SLC39A1: variants seen among roughly 807,000 people sequenced by gnomAD.
SLC39A1 encodes solute carrier family 39 member 1.
Under a neutral mutation model 21.4 loss-of-function variants are expected in SLC39A1, and 17 were observed. The ratio of observed to expected loss-of-function variants is 0.79; its 90% CI spans 0.54 to 1.19. SLC39A1 has a LOEUF of 1.19. SLC39A1 is among the 50% of genes most tolerant of loss of function. The pLI is 0.00. For synonymous variants in SLC39A1, 183 were observed against 185.9 expected, an observed-to-expected ratio of 0.98 and a Z score of 0.13; for missense variants, 343 against 399.8, an observed-to-expected ratio of 0.86 and a Z score of 1.21.
intron 2 of SLC39A1, 54 bp from the exon 3 acceptor site, chr1:153,962,404 C>T (rs764259486): frequency 1.3e-6 from 2 of 1,592,302 alleles, no homozygotes; most frequent in Non-Finnish European, 1.7e-6. Flanking sequence ...CCTCCAGGGC[C>T]GACCACCCCA....
At chr1:153,962,828 G>C in intron 1 of SLC39A1, 81 bp from the exon 2 acceptor site, 1 of 1,172,792 alleles carries the variant, frequency 8.5e-7, no homozygotes, top group Non-Finnish European at 1.2e-6. Context: ...GGTCAGCAGA[G>C]TGCAGCTCCC....
Position 153,960,463 on chromosome 1 carries a change from G to A in SLC39A1, c.610C>T (p.Arg204Trp), listed in dbSNP as rs780510822. 2.0e-5 allele frequency: 33 copies of A among 1,613,420 alleles called. No individual in the cohort carries two copies. The South Asian group carries it at 2.1e-4, about 10-fold the overall frequency. The change falls in exon 4 of 4, where the codon CGG becomes TGG. Residue 204 changes from arginine to tryptophan, a missense_variant. Arg to Trp is a moderately radical substitution (Grantham distance 101, BLOSUM62 -3). Transcript: ENST00000356205. ...AGGCACAGCTCCATGGCCCGAGCCC[G>A]GTCTCGCTGCAGCCCTACCGCCAGC... is the stretch of plus-strand genomic sequence containing the variant. The part of the protein sequence containing the change: ...EGLAVGLQRD[R>W]ARAMELCLAL...
chr1:153,962,070 T>C (rs1265917729), intron 3 of SLC39A1, 150 bp downstream of exon 3: 3 of 1,144,072 alleles, frequency 2.6e-6, no homozygotes, highest in Non-Finnish European at 3.7e-6. Context: ...GAAAGAATTA[T>C]GCCCCATAAC....
chr1:153,959,607 C>T lies in SLC39A1; in HGVS notation c.*491G>A. 3.6e-6 allele frequency: 1 copy of T among 278,032 alleles called. No individual in the cohort carries two copies. The highest frequency in any genetic ancestry group is 6.7e-6 in the Non-Finnish European group (1 of 149,826). 17.2% of individuals were successfully genotyped at this position (278,032 alleles called of 1,614,324 possible). On this transcript the variant is annotated 3_prime_UTR_variant, in exon 4 of 4. Coordinates refer to ENST00000356205, the MANE Select transcript of SLC39A1 (RefSeq NM_001271958.2). ...GGGAGAGACCATTTGGCGCCAGTCC[C>T]CTAGGAGATGGGAGGAGGGAGATAG...
At position 153,962,551 on chromosome 1, in the gene SLC39A1, T is replaced by C. The variant is rs886481316; in HGVS notation, c.165A>G (p.Pro55=). The part of the protein sequence containing the change: ...SLVPICVLRR[P]GANHEGSASR... The stretch of plus-strand genomic sequence containing the variant: ...TACCTGAGCCTTCATGGTTAGCTCC[T>C]GGCCGGCGCAGCACACAGATGGGCA... Residue 55 remains proline, a synonymous_variant, in exon 2 of 4, where the codon CCA becomes CCG. Coordinates refer to ENST00000356205, the MANE Select transcript of SLC39A1 (RefSeq NM_001271958.2). 1.3e-5 allele frequency: 21 copies of C among 1,613,156 alleles called. No individual in the cohort carries two copies. The highest frequency in any genetic ancestry group is 1.6e-5 in the Non-Finnish European group (19 of 1,179,712).
chr1:153,967,023 T>A (rs984637661), upstream of SLC39A1: 1 of 152,252 alleles, frequency 6.6e-6, no homozygotes, highest in African/African-American at 2.4e-5. Context: ...GCCTCAGAAC[T>A]GTTATGGATT....
intron 3 of SLC39A1, among the ~76,000 whole-genome samples, chr1:153,961,373 G>A (rs1229470678): frequency 1.3e-5 from 2 of 152,180 alleles, no homozygotes; most frequent in Non-Finnish European, 2.9e-5. Context: ...TTGTTTAACA[G>A]CATTTCTGAT....
Position 153,960,285 on chromosome 1 carries a change from G to A in SLC39A1, c.788C>T (p.Ser263Leu), listed in dbSNP as rs552473735. ...GGCCAGCTGGTGCAGAGGTCCTGCC[G>A]ACTCTGCCAGAGCTGCACCCAGCCC... ...GIGLGAALAE[S>L]AGPLHQLAQS... Residue 263 changes from serine to leucine, a missense_variant, in exon 4 of 4, where the codon TCG becomes TTG. Coordinates refer to ENST00000356205, the MANE Select transcript of SLC39A1 (RefSeq NM_001271958.2). 6.0e-5 allele frequency: 97 copies of A among 1,614,056 alleles called. 1 individual carries two copies. Among genetic ancestry groups the A allele is most frequent in the South Asian group, 1.9e-4 (17 of 91,074 alleles).
Position 153,959,832 on chromosome 1 carries a change from A to T in SLC39A1, c.*266T>A, listed in dbSNP as rs1647258403. 1 of 460,120 alleles carries T rather than the reference A, an allele frequency of 2.2e-6. No homozygotes were observed. Among genetic ancestry groups the T allele is most frequent in the African/African-American group, 1.9e-5 (1 of 51,602 alleles). 28.5% of individuals were successfully genotyped at this position (460,120 alleles called of 1,614,324 possible). On this transcript the variant is annotated 3_prime_UTR_variant, in exon 4 of 4. Coordinates refer to ENST00000356205, the MANE Select transcript of SLC39A1 (RefSeq NM_001271958.2). ...GTCCAACCTCTGATTCTAGCAGTCA[A>T]GTGTCTTCCCCAATCCTAATGTCCC...
chr1:153,965,524 A>T (rs1393314788), upstream of SLC39A1, among the ~76,000 whole-genome samples: 1 of 152,246 alleles, frequency 6.6e-6, no homozygotes, highest in East Asian at 1.9e-4. Context: ...ATTTGTGATG[A>T]GAACATTTAA....
chr1:153,966,093 G>A (rs947000284), upstream of SLC39A1, among the ~76,000 whole-genome samples: 1 of 152,130 alleles, frequency 6.6e-6, no homozygotes, highest in African/African-American at 2.4e-5. Context: ...GAAGCCCTTT[G>A]AAATGTATTT....
chr1:153,960,377 G>C lies in SLC39A1; in HGVS notation c.696C>G (p.Ser232Arg). The change falls in exon 4 of 4, where the codon AGC (serine) becomes AGG (arginine). Residue 232 changes from serine to arginine, a missense_variant. Transcript: ENST00000356205. ...AVSLSLRLLQ[S>R]HLRAQVVAGC... Reference sequence around the variant, plus strand: ...CAGCCACCACCTGTGCCCTAAGGTGGCTCTGCAACAGCCGCAGGGACAGGC... The same window carrying C: ...CAGCCACCACCTGTGCCCTAAGGTGCCTCTGCAACAGCCGCAGGGACAGGC... The C allele has an allele frequency of 6.2e-7, 1 of 1,613,954 alleles. No homozygotes were observed. Among genetic ancestry groups the C allele is most frequent in the South Asian group, 1.1e-5 (1 of 91,080 alleles).
rs1461819861 is a variant in SLC39A1 at position 153,959,234 on chromosome 1, T to C, written c.*864A>G. On this transcript the variant is annotated 3_prime_UTR_variant, in exon 4 of 4. Transcript: ENST00000356205. ...CAAAAATAACGCTGGGGGTAGGCAT[T>C]GCCCTTCCCCCTTGGGCTCCTCGGG... is the stretch of plus-strand genomic sequence containing the variant. 5.0e-6 allele frequency: 2 copies of C among 398,942 alleles called. No individual in the cohort carries two copies. Among genetic ancestry groups the C allele is most frequent in the Non-Finnish European group, 4.4e-6 (1 of 226,070 alleles). 24.7% of individuals were successfully genotyped at this position (398,942 alleles called of 1,614,324 possible).
At chr1:153,966,261 A>T (rs1307036702), upstream of SLC39A1, among the ~76,000 whole-genome samples, 2 of 152,234 alleles carry the variant, frequency 1.3e-5, no homozygotes, top group African/African-American at 2.4e-5. Flanking sequence ...AGAAAGCCCC[A>T]CAAGGTGGGT....
At chr1:153,965,750 C>G (rs1346760611), upstream of SLC39A1, among the ~76,000 whole-genome samples, 1 of 151,884 alleles carries the variant, frequency 6.6e-6, no homozygotes, top group Non-Finnish European at 1.5e-5. Context: ...CCACGCCCGG[C>G]TAATTTTTGT....
At chr1:153,965,332 C>T (rs1444432151), upstream of SLC39A1, among the ~76,000 whole-genome samples, 1 of 151,992 alleles carries the variant, frequency 6.6e-6, no homozygotes, top group Non-Finnish European at 1.5e-5. Flanking sequence ...GAGGCTGAGG[C>T]AGGAGAATCG....
chr1:153,962,084 A>ATGCCAC, intron 3 of SLC39A1, 136 bp downstream of exon 3: 2 of 1,327,888 alleles, frequency 1.5e-6, no homozygotes, highest in South Asian at 3.0e-5. Flanking sequence ...CCATAACCAA[A>ATGCCAC]AATCACAATT....
At chr1:153,967,918 C>G (rs1201287499), upstream of SLC39A1, 1 of 152,254 alleles carries the variant, frequency 6.6e-6, no homozygotes, top group Non-Finnish European at 1.5e-5. Flanking sequence ...GTTTACAACC[C>G]TGCCATGATC....
At chr1:153,962,099 C>A in intron 3 of SLC39A1, 121 bp downstream of exon 3, 1 of 1,416,094 alleles carries the variant, frequency 7.1e-7, no homozygotes, top group Admixed American at 2.3e-5. Flanking sequence ...ACAATTCATA[C>A]CACATGCCAA....
Sources: gnomAD v4.1 joint callset for allele counts (sites outside exome capture counted in the v4.1 genomes callset) on GRCh38, gnomAD v4.1.1 for gene constraint, MANE v1.5 for transcripts, NCBI Gene and HGNC (gene_info 2026-07-23, HGNC 2026-07-21) for gene names.